The following CFAP92 variants were observed in gnomAD, a reference collection of about 807,000 sequenced individuals.
CFAP92 encodes cilia and flagella associated protein 92 (putative), also known as uncharacterized protein CFAP92.
CFAP92 carries 86 observed loss-of-function variants against 106.3 expected under a neutral mutation model. The ratio of observed to expected loss-of-function variants is 0.81; its 90% CI spans 0.68 to 0.97. CFAP92 has a LOEUF of 0.97. Among genes scored for constraint, CFAP92 ranks in the 50% least tolerant of loss-of-function variants. The probability of loss-of-function intolerance (pLI) is 0.00; values close to 1 mark genes in which losing one functional copy is unlikely to be tolerated. For missense variants in CFAP92, 1,204 were observed against 1,283.8 expected, an observed-to-expected ratio of 0.94 and a Z score of 0.95; for synonymous variants, 477 against 506.4, an observed-to-expected ratio of 0.94 and a Z score of 0.78.
chr3:129,021,120 A>T, the CFAP92 span, among the ~76,000 whole-genome samples: 1 of 152,176 alleles, frequency 6.6e-6, no homozygotes, highest in Non-Finnish European at 1.5e-5. Flanking sequence ...CAGGGAAACA[A>T]GGCTCTGGGC....
intron 11 of CFAP92, among the ~76,000 whole-genome samples, chr3:128,933,283 A>ACACATCC (rs1338465630): frequency 1.3e-5 from 2 of 151,512 alleles, no homozygotes; most frequent in Non-Finnish European, 2.9e-5. Context: ...CTCCTCCCAT[A>ACACATCC]CCCCATCGGG....
intron 12 of CFAP92, among the ~76,000 whole-genome samples, chr3:128,932,318 T>C (rs140366347): frequency 1.7e-3 from 260 of 152,214 alleles, no homozygotes; most frequent in African/African-American, 6.0e-3. Flanking sequence ...GATTAGTTTA[T>C]GTCCCATGTT....
chr3:128,933,403 G>A (rs1938621670), intron 11 of CFAP92, among the ~76,000 whole-genome samples: 1 of 152,216 alleles, frequency 6.6e-6, no homozygotes, highest in Admixed American at 6.5e-5. Context: ...AGGAGAAGGA[G>A]GAGGCTGGAG....
chr3:128,971,375 C>G lies in CFAP92; in HGVS notation c.1080G>C (p.Leu360=). Residue 360 remains leucine, a synonymous_variant, in exon 8 of 16, where the codon CTG becomes CTC. Transcript: ENST00000645291. ...RKIQRRHKKP[L]AEEEADPTLT... is the part of the protein sequence containing the mutation. The stretch of plus-strand genomic sequence containing the variant: ...GCGTGGGGTCTGCCTCTTCTTCTGC[C>G]AGGGGCTTCTTATGTCTCCTCTGGA... 6.2e-7 allele frequency: 1 copy of G among 1,613,576 alleles called. No homozygotes were observed. The highest frequency in any genetic ancestry group is 8.5e-7 in the Non-Finnish European group (1 of 1,179,706).
chr3:128,920,323 G>A (rs1206657475), intron 12 of CFAP92, among the ~76,000 whole-genome samples: 1 of 151,978 alleles, frequency 6.6e-6, no homozygotes, highest in East Asian at 1.9e-4. Context: ...AGAATTGCTT[G>A]AACCCAGGAG....
intron 12 of CFAP92, among the ~76,000 whole-genome samples, chr3:128,923,460 C>A (rs1937466921): frequency 6.6e-6 from 1 of 152,204 alleles, no homozygotes; most frequent in Non-Finnish European, 1.5e-5. Context: ...CTCCTCTCTA[C>A]CCTGAATACA....
At chr3:129,021,211 C>A in the CFAP92 span, among the ~76,000 whole-genome samples, 1 of 152,360 alleles carries the variant, frequency 6.6e-6, no homozygotes, top group African/African-American at 2.4e-5. Flanking sequence ...GCGCAAACCT[C>A]ACTTTCGTCA....
At chr3:129,026,723 A>G in the CFAP92 span, among the ~76,000 whole-genome samples, 19 of 152,154 alleles carry the variant, frequency 1.2e-4, 1 homozygote, top group East Asian at 9.7e-4. Flanking sequence ...TGTAGTCTGG[A>G]GCCTGTGGAG....
intron 9 of CFAP92, among the ~76,000 whole-genome samples, chr3:128,951,783 A>G (rs1049163194): frequency 6.6e-5 from 10 of 152,276 alleles, no homozygotes; most frequent in Admixed American, 1.3e-4. Context: ...GCCCCACCCC[A>G]GAAACAAAGG....
chr3:128,951,161 G>T (rs1940737911), intron 9 of CFAP92, among the ~76,000 whole-genome samples: 1 of 152,052 alleles, frequency 6.6e-6, no homozygotes, highest in African/African-American at 2.4e-5. Flanking sequence ...CTTGAATCTG[G>T]GAGGCAGAGG....
At chr3:128,989,974 A>C (rs769402633) in intron 2 of CFAP92, among the ~76,000 whole-genome samples, 1 of 152,202 alleles carries the variant, frequency 6.6e-6, no homozygotes, top group African/African-American at 2.4e-5. Context: ...TCTATCAAAA[A>C]CTATTAATAC....
At position 128,912,538 on chromosome 3, in the gene CFAP92, G is replaced by A; in HGVS notation, c.3281-2205C>T. ...CAGAAAACCTAGATGAGCAGATTAA[G>A]AAAGTGTCCCAGCAGATCCTTGAGA... is the stretch of plus-strand genomic sequence containing the variant. On this transcript the variant is annotated intron_variant, in intron 15 of 15. Transcript: ENST00000645291. 1 of 1,614,088 alleles carries A rather than the reference G, an allele frequency of 6.2e-7. No individual in the cohort carries two copies. The highest frequency in any genetic ancestry group is 8.5e-7 in the Non-Finnish European group (1 of 1,179,970).
chr3:128,944,443 C>T (rs1259344493), intron 10 of CFAP92, among the ~76,000 whole-genome samples: 2 of 152,180 alleles, frequency 1.3e-5, no homozygotes, highest in Non-Finnish European at 2.9e-5. Context: ...GGACTCCCCA[C>T]TGCATCCAAG....
At chr3:128,969,505 A>T (rs1251983219) in intron 8 of CFAP92, 1 of 152,110 alleles carries the variant, frequency 6.6e-6, no homozygotes, top group African/African-American at 2.4e-5. Flanking sequence ...CTGGGGGGGC[A>T]GAGGCTGTAG....
intron 8 of CFAP92, chr3:128,970,896 GTCAAAAAGGGTTCCCTTTCC>G (rs1224282366): frequency 4.4e-6 from 1 of 227,204 alleles, no homozygotes; most frequent in African/African-American, 2.3e-5. Flanking sequence ...GAGGGGCTCA[GTCAAAAAGGGTTCCCTTTCC>G]TCATTCCCTT....
chr3:129,003,990 G>A (rs1403770395), upstream of CFAP92: 5 of 1,499,820 alleles, frequency 3.3e-6, no homozygotes, highest in East Asian at 1.1e-4. Context: ...AGCCTGCACC[G>A]CGTGCGAGAG....
chr3:129,002,029 G>C lies in CFAP92; in HGVS notation n.117+545C>G. On this transcript the variant is annotated intron_variant and non_coding_transcript_variant, in intron 1 of 4. Transcript: ENST00000510149. ...GATGAAGAGGCGCGCCTGGCGCTGC[G>C]CGCCGAGCCGCCGGAGCTCACCTTC... 2.6e-6 allele frequency: 4 copies of C among 1,544,200 alleles called. No homozygotes were observed. The highest frequency in any genetic ancestry group is 1.7e-4 in the Middle Eastern group (1 of 5,834).
At chr3:128,936,298 T>TATTTTGCCCA (rs1184092525) in intron 10 of CFAP92, among the ~76,000 whole-genome samples, 1 of 152,270 alleles carries the variant, frequency 6.6e-6, no homozygotes, top group Admixed American at 6.5e-5. Flanking sequence ...TTGGTTTGGG[T>TATTTTGCCCA]ATTTTGCCCA....
chr3:128,949,750 G>C (rs533285397), intron 9 of CFAP92, among the ~76,000 whole-genome samples: 1 of 152,142 alleles, frequency 6.6e-6, no homozygotes, highest in Non-Finnish European at 1.5e-5. Context: ...GCAATGGCGC[G>C]ATCTTGGCTC....
Sources: allele counts gnomAD v4.1 joint callset (sites outside exome capture counted in the v4.1 genomes callset), GRCh38; gene constraint gnomAD v4.1.1; transcripts MANE v1.5; gene names NCBI Gene and HGNC (gene_info 2026-07-23, HGNC 2026-07-21).